Variants in IFIT3 observed in about 807,000 individuals in gnomAD.
IFIT3 encodes the protein interferon-induced protein with tetratricopeptide repeats 3.
In IFIT3, 2 loss-of-function variants were observed where a neutral mutation model predicts 2.4. That is an observed-to-expected ratio of 0.82 (90% confidence interval 0.34 to 2.60). The LOEUF (loss-of-function observed/expected upper bound fraction) is 2.60, where lower values mean the gene tolerates loss of function less well. Ranked by LOEUF, IFIT3 falls within the 30% of genes most tolerant of loss-of-function variation. IFIT3 has a pLI of 0.11. For missense variants in IFIT3, 481 were observed against 562.4 expected (o/e 0.86, Z 1.46); for synonymous variants, 203 against 212.1 (o/e 0.96, Z 0.37).
chr10:89,332,373 G>A, intron 1 of IFIT3: 1 of 849,260 alleles, frequency 1.2e-6, no homozygotes, highest in Non-Finnish European at 1.6e-6. Context: ...TCAAACCACA[G>A]TTTTCCAAAT....
intron 1 of IFIT3, 71 bp from the exon 2 acceptor site, chr10:89,338,590 T>C: frequency 1.4e-6 from 2 of 1,416,304 alleles, no homozygotes; most frequent in South Asian, 1.3e-5. Context: ...AATTGACATA[T>C]AAAATTAATG....
At chr10:89,333,531 T>C (rs1279780890) in intron 1 of IFIT3, among the ~76,000 whole-genome samples, 2 of 151,992 alleles carry the variant, frequency 1.3e-5, no homozygotes, top group Non-Finnish European at 2.9e-5. Flanking sequence ...GTGGGAAGAA[T>C]GTTGAAATAA....
chr10:89,328,160 C>A, intron 1 of IFIT3, 82 bp downstream of exon 1: 1 of 1,245,474 alleles, frequency 8.0e-7, no homozygotes, highest in South Asian at 1.2e-5. Flanking sequence ...AGGCACATTC[C>A]TGAATTGTCC....
chr10:89,327,998 C>A lies in IFIT3; in HGVS notation c.-76C>A, dbSNP rs191781175. ...TAGTTCCTTCAGTATTTACTTGAGG[C>A]AGACAGGAAGACTTCTGAAGAACAA... is the stretch of plus-strand genomic sequence containing the variant. On this transcript the variant is annotated 5_prime_UTR_variant, in exon 1 of 2. Transcript: ENST00000371818. 745 of 1,516,616 alleles carry A rather than the reference C, an allele frequency of 4.9e-4. 1 individual carries two copies. The highest frequency in any genetic ancestry group is 3.3e-4 in the Admixed American group (20 of 59,756). 93.9% of individuals were successfully genotyped at this position (1,516,616 alleles called of 1,614,324 possible). A position where few individuals can be genotyped will look rare whatever the true frequency, so the allele number is the denominator to read the frequency against.
At position 89,339,128 on chromosome 10, in the gene IFIT3, GT is replaced by G; in HGVS notation, c.477del (p.Phe159LeufsTer38). ...GGAAGAAATGAAAGGGCGAAGGTGT[GT>G]TTTGAGAAGGCTCTGGAAGAAAAGC... ...KCGRNERAKV[C>X]FEKALEEKPN... On this transcript the variant is annotated frameshift_variant, in exon 2 of 2. Transcript: ENST00000371818. LOFTEE classifies it low-confidence loss of function (END_TRUNC). The G allele has an allele frequency of 6.2e-7, 1 of 1,614,140 alleles. No homozygotes were observed. Among genetic ancestry groups the G allele is most frequent in the African/African-American group, 1.3e-5 (1 of 75,056 alleles).
chr10:89,337,253 G>A (rs995171277), intron 1 of IFIT3, among the ~76,000 whole-genome samples: 6 of 152,122 alleles, frequency 3.9e-5, no homozygotes, highest in Admixed American at 3.9e-4. Flanking sequence ...GAGAAGGTTG[G>A]GATAATCTCT....
At position 89,338,964 on chromosome 10, in the gene IFIT3, C is replaced by T. The variant is rs61737943; in HGVS notation, c.309C>T (p.Val103=). Residue 103 remains valine, a synonymous_variant, in exon 2 of 2, where the codon GTC becomes GTT. Coordinates refer to ENST00000371818, the MANE Select transcript of IFIT3 (RefSeq NM_001549.6). ...SLVTWGNYAW[V]YYHLGRLSDA... ...TCACTTGGGGAAACTACGCCTGGGT[C>T]TACTATCACTTGGGCAGACTCTCAG... The T allele has an allele frequency of 3.9e-5, 63 of 1,614,006 alleles. No individual in the cohort carries two copies. The African/African-American group carries it at 5.1e-4, about 13-fold the overall frequency.
intron 1 of IFIT3, chr10:89,338,397 T>C: frequency 2.6e-6 from 1 of 380,760 alleles, no homozygotes; most frequent in East Asian, 4.4e-5. Flanking sequence ...GAATTCTCCC[T>C]TCCTCTGCCT....
At chr10:89,338,618 T>C (rs1412066142) in intron 1 of IFIT3, 43 bp from the exon 2 acceptor site, 1 of 1,568,844 alleles carries the variant, frequency 6.4e-7, no homozygotes, top group East Asian at 2.2e-5. Flanking sequence ...GGTGCAGTGC[T>C]TGGCAGTGTA....
chr10:89,339,103 G>A lies in IFIT3; in HGVS notation c.448G>A (p.Gly150Arg). ...CEEGWTQLKC[G>R]RNERAKVCFE... ...GGAAGGGTGGACACAACTGAAGTGTGGAAGAAATGAAAGGGCGAAGGTGTG... is the reference window on the plus strand; with the variant it reads ...GGAAGGGTGGACACAACTGAAGTGTAGAAGAAATGAAAGGGCGAAGGTGTG... Residue 150 changes from glycine to arginine, a missense_variant, in exon 2 of 2, where the codon GGA becomes AGA. Physicochemically the swap from Gly to Arg is moderately radical, Grantham distance 125. Coordinates refer to ENST00000371818, the MANE Select transcript of IFIT3 (RefSeq NM_001549.6). 6.2e-7 allele frequency: 1 copy of A among 1,614,052 alleles called. No homozygotes were observed. Among genetic ancestry groups the A allele is most frequent in the South Asian group, 1.1e-5 (1 of 91,080 alleles).
rs749317140 is a variant in IFIT3 at position 89,339,177 on chromosome 10, T to C, written c.522T>C (p.Ser174=). 2.5e-6 allele frequency: 4 copies of C among 1,614,192 alleles called. No individual in the cohort carries two copies. Among genetic ancestry groups the C allele is most frequent in the Admixed American group, 1.7e-5 (1 of 60,012 alleles). ...EEKPNNPEFS[S]GLAIAMYHLD... Reference sequence around the variant, plus strand: ...AGCCCAACAACCCAGAATTCTCCTCTGGACTGGCAATTGCGATGTACCATC... The same window carrying C: ...AGCCCAACAACCCAGAATTCTCCTCCGGACTGGCAATTGCGATGTACCATC... Residue 174 remains serine (S), a synonymous_variant, in exon 2 of 2, where the codon TCT becomes TCC. Transcript: ENST00000371818.
At chr10:89,336,154 G>T (rs994225141) in intron 1 of IFIT3, among the ~76,000 whole-genome samples, 1 of 140,090 alleles carries the variant, frequency 7.1e-6, no homozygotes, top group African/African-American at 2.6e-5. Flanking sequence ...AATAGGGAGG[G>T]AGGAAGGGAG....
In IFIT3 at chr10:89,331,136, C is replaced by G. The variant is rs538221014; in HGVS notation, c.5+3058C>G. On this transcript the variant is annotated intron_variant, in intron 1 of 1. Transcript: ENST00000371818. Reference sequence around the variant, plus strand: ...CATAGGCAAAGACAGAGGTGTTCAACAGAATGACAACTTCTCTTGTTGTTG... The same window carrying G: ...CATAGGCAAAGACAGAGGTGTTCAAGAGAATGACAACTTCTCTTGTTGTTG... 2.0e-5 allele frequency among the ~76,000 whole-genome samples: 3 copies of G among 152,272 alleles called. No homozygotes were observed. The South Asian group carries it at 6.2e-4, about 32-fold the overall frequency.
chr10:89,334,385 T>C (rs992122676), intron 1 of IFIT3, among the ~76,000 whole-genome samples: 1 of 151,914 alleles, frequency 6.6e-6, no homozygotes, highest in African/African-American at 2.4e-5. Context: ...CCTAAGGTCT[T>C]CTACTAGATG....
Position 89,329,362 on chromosome 10 carries a change from GA to G in IFIT3, c.5+1285del, listed in dbSNP as rs577060082. ...ATGTTAATTGTGTCTGTGTGAGTGG[GA>G]TTGACCAGAGAGCAAGGCGTCTTAG... On this transcript the variant is annotated intron_variant, in intron 1 of 1. Transcript: ENST00000371818. Among the ~76,000 whole-genome samples the G allele has an allele frequency of 1.7e-3, 262 of 152,262 alleles. 1 individual carries two copies. The highest frequency in any genetic ancestry group is 5.9e-3 in the African/African-American group (245 of 41,548).
At chr10:89,329,482 A>G (rs1843629476) in intron 1 of IFIT3, among the ~76,000 whole-genome samples, 1 of 152,112 alleles carries the variant, frequency 6.6e-6, no homozygotes, top group African/African-American at 2.4e-5. Context: ...TCTCTGAACT[A>G]TGCTGGACTC....
Position 89,340,425 on chromosome 10 carries a change from G to C in IFIT3, c.*297G>C. 1.5e-5 allele frequency: 3 copies of C among 194,376 alleles called. No individual in the cohort carries two copies. The highest frequency in any genetic ancestry group is 3.2e-5 in the Non-Finnish European group (3 of 93,094). 12.0% of individuals were successfully genotyped at this position (194,376 alleles called of 1,614,324 possible). On this transcript the variant is annotated 3_prime_UTR_variant, in exon 2 of 2. Coordinates refer to ENST00000371818, the MANE Select transcript of IFIT3 (RefSeq NM_001549.6). ...TACAAAAAATTAGCCAGGCGTGGTGGCTGGCACCTGTAGTCCCAGCTACTT... is the reference window on the plus strand; with the variant it reads ...TACAAAAAATTAGCCAGGCGTGGTGCCTGGCACCTGTAGTCCCAGCTACTT...
At chr10:89,329,916 G>A (rs1339997690) in intron 1 of IFIT3, among the ~76,000 whole-genome samples, 1 of 152,112 alleles carries the variant, frequency 6.6e-6, no homozygotes, top group East Asian at 1.9e-4. Flanking sequence ...ATTTGGGTAG[G>A]TAAAGGAAAA....
At position 89,340,324 on chromosome 10, in the gene IFIT3, C is replaced by T. The variant is rs570627761; in HGVS notation, c.*196C>T. ...CTGTAATCCCAGCACTTTGGGAGGC[C>T]GAGGTGGGCGGATCACGAGGTCTGG... On this transcript the variant is annotated 3_prime_UTR_variant, in exon 2 of 2. Transcript: ENST00000371818. The T allele has an allele frequency of 1.6e-4, 75 of 477,518 alleles. No individual in the cohort carries two copies. Among genetic ancestry groups the T allele is most frequent in the African/African-American group, 1.2e-3 (63 of 52,014 alleles). 29.6% of individuals were successfully genotyped at this position (477,518 alleles called of 1,614,324 possible). A position where few individuals can be genotyped will look rare whatever the true frequency, so the allele number is the denominator to read the frequency against.
Sources: allele counts gnomAD v4.1 joint callset (sites outside exome capture counted in the v4.1 genomes callset), GRCh38; gene constraint gnomAD v4.1.1; transcripts MANE v1.5; gene names NCBI Gene and HGNC (gene_info 2026-07-23, HGNC 2026-07-21).